Variants in GRIA2 observed in about 807,000 individuals in gnomAD.
The protein encoded by GRIA2 is glutamate receptor 2.
GRIA2 carries 14 observed loss-of-function variants against 97.3 expected under a neutral mutation model. The ratio of observed to expected loss-of-function variants is 0.14; its 90% CI spans 0.10 to 0.23. The LOEUF is 0.23. Among genes scored for constraint, GRIA2 ranks in the 10% least tolerant of loss-of-function variants. The probability of loss-of-function intolerance (pLI) is 1.00; values close to 1 mark genes in which losing one functional copy is unlikely to be tolerated. For missense variants in GRIA2, 558 were observed against 1,069.8 expected (o/e 0.52, Z 6.67); for synonymous variants, 412 against 387.8 (o/e 1.06, Z -0.73).
intron 12 of GRIA2, among the ~76,000 whole-genome samples, chr4:157,349,380 GT>G (rs891925174): frequency 2.4e-4 from 36 of 149,220 alleles, no homozygotes; most frequent in African/African-American, 7.6e-4. Context: ...ATTCAGTGCT[GT>G]TTTTTTTTCA....
chr4:157,322,281 G>A (rs200431202), intron 6 of GRIA2, among the ~76,000 whole-genome samples: 1 of 134,572 alleles, frequency 7.4e-6, no homozygotes, highest in Admixed American at 7.7e-5. Context: ...GTGTGTGTGT[G>A]TATAAAATAA....
chr4:157,243,206 A>G (rs1730582455), intron 2 of GRIA2, among the ~76,000 whole-genome samples: 1 of 152,130 alleles, frequency 6.6e-6, no homozygotes, highest in Non-Finnish European at 1.5e-5. Flanking sequence ...TGAGGTTACA[A>G]ATAAATTTTA....
chr4:157,270,296 T>C (rs1367918414), intron 2 of GRIA2, among the ~76,000 whole-genome samples: 1 of 152,042 alleles, frequency 6.6e-6, no homozygotes, highest in Non-Finnish European at 1.5e-5. Context: ...TAAAAGGCAG[T>C]AGGCCATTCA....
At chr4:157,313,645 C>G (rs969934482) in intron 4 of GRIA2, among the ~76,000 whole-genome samples, 1 of 151,932 alleles carries the variant, frequency 6.6e-6, no homozygotes, top group Non-Finnish European at 1.5e-5. Flanking sequence ...AGTGGCACAG[C>G]ATCAACATTA....
intron 2 of GRIA2, among the ~76,000 whole-genome samples, chr4:157,287,060 C>T (rs1374742263): frequency 6.6e-6 from 1 of 151,536 alleles, no homozygotes; most frequent in Admixed American, 6.6e-5. Context: ...GGAAACAACT[C>T]CAATCTGTTG....
chr4:157,321,756 T>C, intron 6 of GRIA2, 157 bp downstream of exon 6: 1 of 551,350 alleles, frequency 1.8e-6, no homozygotes, highest in East Asian at 3.0e-5. Flanking sequence ...TTCACATTTT[T>C]ATGGTTTAAG....
intron 2 of GRIA2, among the ~76,000 whole-genome samples, chr4:157,299,721 A>G (rs1326603641): frequency 6.6e-6 from 1 of 152,174 alleles, no homozygotes; most frequent in Non-Finnish European, 1.5e-5. Flanking sequence ...CCAGGAGATT[A>G]TCATTTCTGC....
chr4:157,263,209 C>T (rs1022541228), intron 2 of GRIA2, among the ~76,000 whole-genome samples: 3 of 152,006 alleles, frequency 2.0e-5, no homozygotes, highest in Non-Finnish European at 4.4e-5. Context: ...CCAAGGCATT[C>T]TCTTTCCTTC....
intron 12 of GRIA2, among the ~76,000 whole-genome samples, chr4:157,358,759 G>T (rs1173322784): frequency 6.6e-6 from 1 of 152,076 alleles, no homozygotes; most frequent in Non-Finnish European, 1.5e-5. Flanking sequence ...CTTGACCCAA[G>T]ATTTTCACCA....
At chr4:157,221,167 T>C (rs1729475463) in intron 1 of GRIA2, 37 bp downstream of exon 1, 5 of 1,015,620 alleles carry the variant, frequency 4.9e-6, no homozygotes, top group African/African-American at 1.6e-5. Flanking sequence ...GAATTGTGCA[T>C]AATTTGGTGG....
intron 2 of GRIA2, among the ~76,000 whole-genome samples, chr4:157,233,787 A>AT (rs1554005613): frequency 6.6e-6 from 1 of 151,976 alleles, no homozygotes; most frequent in Non-Finnish European, 1.5e-5. Flanking sequence ...TTTATGTATA[A>AT]TTTTTTTCTT....
At chr4:157,360,627 C>A (rs956609701) in intron 13 of GRIA2, 3 of 447,022 alleles carry the variant, frequency 6.7e-6, no homozygotes, top group African/African-American at 6.1e-5. Context: ...AAGGAAAATG[C>A]ACTTTGAATT....
intron 2 of GRIA2, among the ~76,000 whole-genome samples, chr4:157,258,580 G>T (rs185461535): frequency 1.3e-5 from 2 of 151,896 alleles, no homozygotes; most frequent in African/African-American, 4.8e-5. Flanking sequence ...CTGTCATCTC[G>T]CCCTGCCTCC....
At chr4:157,244,227 G>T (rs568639689) in intron 2 of GRIA2, among the ~76,000 whole-genome samples, 1 of 151,894 alleles carries the variant, frequency 6.6e-6, no homozygotes, top group Admixed American at 6.6e-5. Context: ...CAGAGAGAGG[G>T]AGCAAAAGGG....
intron 2 of GRIA2, among the ~76,000 whole-genome samples, chr4:157,299,044 C>G (rs7674299): frequency 1 from 151,420 of 152,178 alleles, 75,333 homozygotes; most frequent in Middle Eastern, 1. Flanking sequence ...ATTAGAGCGA[C>G]AGGAAAAGTA....
intron 2 of GRIA2, among the ~76,000 whole-genome samples, chr4:157,224,661 G>C (rs79682137): frequency 6.6e-6 from 1 of 152,054 alleles, no homozygotes; most frequent in African/African-American, 2.4e-5. Context: ...TCAAGAAATG[G>C]ATGAAAATCT....
intron 12 of GRIA2, among the ~76,000 whole-genome samples, chr4:157,347,750 C>A (rs2126964570): frequency 6.6e-6 from 1 of 152,150 alleles, no homozygotes; most frequent in South Asian, 2.1e-4. Context: ...TAGAATTGTT[C>A]AATTATTTAA....
At chr4:157,257,469 A>G (rs145324902) in intron 2 of GRIA2, among the ~76,000 whole-genome samples, 2 of 152,222 alleles carry the variant, frequency 1.3e-5, no homozygotes, top group African/African-American at 2.4e-5. Flanking sequence ...CTTTCTCTAA[A>G]TATTATTCAT....
chr4:157,242,436 G>T (rs1730550715), intron 2 of GRIA2, among the ~76,000 whole-genome samples: 1 of 152,014 alleles, frequency 6.6e-6, no homozygotes, highest in Non-Finnish European at 1.5e-5. Flanking sequence ...ATAACCATGT[G>T]AATAATATGT....
Sources: allele counts gnomAD v4.1 joint callset (sites outside exome capture counted in the v4.1 genomes callset), GRCh38; gene constraint gnomAD v4.1.1; transcripts MANE v1.5; gene names NCBI Gene and HGNC (gene_info 2026-07-23, HGNC 2026-07-21).